ESYT2: variants seen among roughly 807,000 people sequenced by gnomAD.
The protein encoded by ESYT2 is extended synaptotagmin-2.
ESYT2 carries 54 observed loss-of-function variants against 107.2 expected under a neutral mutation model. The ratio of observed to expected loss-of-function variants is 0.50; its 90% CI spans 0.40 to 0.63. The LOEUF is 0.63. Ranked by LOEUF, ESYT2 falls within the 30% of genes least tolerant of loss-of-function variation. ESYT2 has a pLI of 0.00. For missense variants in ESYT2, 1,020 were observed against 1,094.5 expected (o/e 0.93, Z 0.96); for synonymous variants, 491 against 434.1 (o/e 1.13, Z -1.63).
At chr7:158,793,567 A>T in intron 4 of ESYT2, 83 bp downstream of exon 4, 1 of 986,092 alleles carries the variant, frequency 1.0e-6, no homozygotes, top group East Asian at 2.4e-5. Context: ...ACGTGTGCTC[A>T]CTGTATCCTC....
intron 13 of ESYT2, among the ~76,000 whole-genome samples, chr7:158,753,296 G>A (rs1388312218): frequency 2.0e-5 from 3 of 152,170 alleles, no homozygotes; most frequent in South Asian, 4.1e-4. Flanking sequence ...CCGCTGAGAC[G>A]CACCTTCCCA....
At position 158,733,085 on chromosome 7, in the gene ESYT2, G is replaced by C. The variant is rs1231178677; in HGVS notation, c.*1122C>G. On this transcript the variant is annotated 3_prime_UTR_variant, in exon 23 of 23. Coordinates refer to ENST00000275418, the MANE Select transcript of ESYT2 (RefSeq NM_001367773.1). ...GCCTGGGAAGTGGCTGCTGAGAACA[G>C]CAGGGGCCGGGCTCGCAGCTGTGGC... 6.6e-6 allele frequency: 1 copy of C among 152,264 alleles called. No homozygotes were observed. The highest frequency in any genetic ancestry group is 2.4e-5 in the African/African-American group (1 of 41,472). The allele number at this position is 152,264 out of a possible 1,614,324, so 9.4% of individuals were successfully genotyped here. A position where few individuals can be genotyped will look rare whatever the true frequency, so the allele number is the denominator to read the frequency against.
At chr7:158,794,659 C>T (rs1839407883) in intron 3 of ESYT2, among the ~76,000 whole-genome samples, 1 of 151,826 alleles carries the variant, frequency 6.6e-6, no homozygotes. Context: ...ACCTGTAGTC[C>T]CAGCTACTCG....
rs1326353999 is a variant in ESYT2 at position 158,732,721 on chromosome 7, G to A, written c.*1486C>T. 6.6e-6 allele frequency: 1 copy of A among 152,600 alleles called. No homozygotes were observed. The highest frequency in any genetic ancestry group is 1.5e-5 in the Non-Finnish European group (1 of 68,036). 9.5% of individuals were successfully genotyped at this position (152,600 alleles called of 1,614,324 possible). On this transcript the variant is annotated 3_prime_UTR_variant, in exon 23 of 23. Coordinates refer to ENST00000275418, the MANE Select transcript of ESYT2 (RefSeq NM_001367773.1). ...CACTTTGGTTTGTTTGGTCATGTGA[G>A]TTACCCACAAGTTGTATAGTTCCAT...
At position 158,765,593 on chromosome 7, in the gene ESYT2, A is replaced by G. The variant is rs1395596689; in HGVS notation, c.925-740T>C. ...TACTAAAATTACAAAAAATTTAGCC[A>G]GGCATGGTGGCGCATGTCCGTAGTC... On this transcript the variant is annotated intron_variant, in intron 8 of 22. Coordinates refer to ENST00000275418, the MANE Select transcript of ESYT2 (RefSeq NM_001367773.1). Among the ~76,000 whole-genome samples the G allele has an allele frequency of 2.6e-5, 4 of 152,084 alleles. No homozygotes were observed. The East Asian group carries it at 7.8e-4, about 30-fold the overall frequency.
At chr7:158,828,979 G>C in intron 1 of ESYT2, 110 bp downstream of exon 1, 1 of 1,451,542 alleles carries the variant, frequency 6.9e-7, no homozygotes, top group Non-Finnish European at 9.0e-7. Context: ...GGCAGGGCTG[G>C]GGTCTGCACT....
At position 158,735,484 on chromosome 7, in the gene ESYT2, G is replaced by A. The variant is rs567074246; in HGVS notation, c.2505+19C>T. 1 of 1,596,476 alleles carries A rather than the reference G, an allele frequency of 6.3e-7. No individual in the cohort carries two copies. The highest frequency in any genetic ancestry group is 2.2e-5 in the East Asian group (1 of 44,768). On this transcript the variant is annotated intron_variant, in intron 21 of 22. Coordinates refer to ENST00000275418, the MANE Select transcript of ESYT2 (RefSeq NM_001367773.1). ...TTTACAAACTGCAGGAACTGGTTGAGGATTCGTTTGGCACTTACTTTGCCA... is the reference window on the plus strand; with the variant it reads ...TTTACAAACTGCAGGAACTGGTTGAAGATTCGTTTGGCACTTACTTTGCCA...
At chr7:158,774,250 G>T (rs1838472822) in intron 6 of ESYT2, among the ~76,000 whole-genome samples, 1 of 152,058 alleles carries the variant, frequency 6.6e-6, no homozygotes, top group South Asian at 2.1e-4. Flanking sequence ...AATATAAAGT[G>T]GAAGAGTCAA....
intron 3 of ESYT2, among the ~76,000 whole-genome samples, chr7:158,796,668 A>C (rs896066593): frequency 1.3e-5 from 2 of 152,238 alleles, no homozygotes; most frequent in African/African-American, 4.8e-5. Flanking sequence ...TGACATGGCC[A>C]AGACGGCACC....
At chr7:158,741,333 T>C (rs1188424069) in intron 18 of ESYT2, among the ~76,000 whole-genome samples, 190 bp downstream of exon 18, 1 of 152,236 alleles carries the variant, frequency 6.6e-6, no homozygotes, top group Non-Finnish European at 1.5e-5. Flanking sequence ...GCAGGTTTTA[T>C]TTCCAAAGTC....
chr7:158,759,131 A>C (rs1229811403), intron 13 of ESYT2, among the ~76,000 whole-genome samples: 1 of 152,194 alleles, frequency 6.6e-6, no homozygotes, highest in Non-Finnish European at 1.5e-5. Context: ...GCATTTTGTA[A>C]TCAGAGCTGC....
chr7:158,739,948 C>T (rs771151553), intron 18 of ESYT2, among the ~76,000 whole-genome samples: 5 of 152,202 alleles, frequency 3.3e-5, no homozygotes, highest in Non-Finnish European at 7.3e-5. Flanking sequence ...TCACACCCAA[C>T]GCTTAACAGA....
intron 7 of ESYT2, among the ~76,000 whole-genome samples, chr7:158,770,452 G>A (rs1398589028): frequency 1.3e-5 from 2 of 151,034 alleles, no homozygotes; most frequent in Non-Finnish European, 2.9e-5. Flanking sequence ...TGGTGTTTGT[G>A]TATTTATCTG....
chr7:158,797,936 A>G lies in ESYT2; in HGVS notation c.507+6T>C, dbSNP rs756907491. On this transcript the variant is annotated splice_donor_region_variant and intron_variant, in intron 3 of 22. Coordinates refer to ENST00000275418, the MANE Select transcript of ESYT2 (RefSeq NM_001367773.1). ...TGCACGTGAGGATACTTAAGAGAAC[A>G]CTGACCTGCTGGCCCACGTCGACCT... 8.1e-6 allele frequency: 13 copies of G among 1,613,772 alleles called. No individual in the cohort carries two copies. The highest frequency in any genetic ancestry group is 2.2e-5 in the East Asian group (1 of 44,880).
chr7:158,828,880 G>A (rs1389137767), intron 1 of ESYT2, among the ~76,000 whole-genome samples: 1 of 149,526 alleles, frequency 6.7e-6, no homozygotes, highest in Non-Finnish European at 1.5e-5. Flanking sequence ...CCGGCCCGGG[G>A]GCCGGGGCTG....
chr7:158,777,391 C>T (rs571536665), intron 6 of ESYT2, among the ~76,000 whole-genome samples: 12 of 152,284 alleles, frequency 7.9e-5, no homozygotes, highest in African/African-American at 2.6e-4. Flanking sequence ...ACCCAAATCT[C>T]ATGTCGAACT....
At chr7:158,736,334 A>T (rs1836948767) in intron 20 of ESYT2, among the ~76,000 whole-genome samples, 1 of 152,242 alleles carries the variant, frequency 6.6e-6, no homozygotes, top group African/African-American at 2.4e-5. Flanking sequence ...ACGTAAACTG[A>T]ATTAGCAGAT....
chr7:158,735,763 T>C (rs1836917884), intron 20 of ESYT2, among the ~76,000 whole-genome samples, 155 bp from the exon 21 acceptor site: 1 of 152,198 alleles, frequency 6.6e-6, no homozygotes, highest in Non-Finnish European at 1.5e-5. Context: ...AATCTGGCAT[T>C]TCAGGAAGAC....
At chr7:158,775,840 T>C (rs1838543717) in intron 6 of ESYT2, among the ~76,000 whole-genome samples, 1 of 152,198 alleles carries the variant, frequency 6.6e-6, no homozygotes. Flanking sequence ...CCGGAGGTTT[T>C]CGACTTACTT....
Sources: gnomAD v4.1 joint callset for allele counts (sites outside exome capture counted in the v4.1 genomes callset) on GRCh38, gnomAD v4.1.1 for gene constraint, MANE v1.5 for transcripts, NCBI Gene and HGNC (gene_info 2026-07-23, HGNC 2026-07-21) for gene names.